Variants in COL14A1 observed in about 807,000 individuals in gnomAD.
COL14A1 encodes the protein collagen alpha-1(XIV) chain.
Under a neutral mutation model 230.3 loss-of-function variants are expected in COL14A1, and 136 were observed. The observed-to-expected ratio is 0.59, with a 90% CI of 0.51 to 0.68. The LOEUF is 0.68. COL14A1 is among the 30% of genes least tolerant of loss of function. COL14A1 has a pLI of 0.00. For synonymous variants in COL14A1, 792 were observed against 784.1 expected (o/e 1.01, Z -0.17); for missense variants, 1,976 against 2,215.8 (o/e 0.89, Z 2.17).
chr8:120,303,681 A>G (rs992774126), intron 36 of COL14A1, among the ~76,000 whole-genome samples: 2 of 152,190 alleles, frequency 1.3e-5, no homozygotes, highest in African/African-American at 2.4e-5. Context: ...CATCAAGGAT[A>G]TTAGCTGGAA....
At chr8:120,138,421 T>C (rs1814780540) in intron 1 of COL14A1, among the ~76,000 whole-genome samples, 1 of 152,190 alleles carries the variant, frequency 6.6e-6, no homozygotes, top group Non-Finnish European at 1.5e-5. Flanking sequence ...CATTCTGACA[T>C]TTCCCTTCTC....
At chr8:120,348,319 A>ATATATG (rs1394910849) in intron 45 of COL14A1, among the ~76,000 whole-genome samples, 2 of 149,444 alleles carry the variant, frequency 1.3e-5, no homozygotes. Context: ...ATATATATAT[A>ATATATG]TATATGTATA....
intron 26 of COL14A1, among the ~76,000 whole-genome samples, chr8:120,271,593 G>A (rs4279641): frequency 0.64 from 96,453 of 151,338 alleles, 31,356 homozygotes; most frequent in African/African-American, 0.77. Flanking sequence ...TGTGAATGAT[G>A]CAGACTTAAA....
intron 21 of COL14A1, among the ~76,000 whole-genome samples, chr8:120,249,742 A>G (rs1269240325): frequency 6.6e-6 from 1 of 152,204 alleles, no homozygotes; most frequent in Admixed American, 6.5e-5. Flanking sequence ...CAAAATACCA[A>G]TAGTAGTGAG....
At chr8:120,188,345 G>A (rs1816709694) in intron 5 of COL14A1, among the ~76,000 whole-genome samples, 1 of 152,148 alleles carries the variant, frequency 6.6e-6, no homozygotes, top group South Asian at 2.1e-4. Context: ...GCCTCCCAAA[G>A]TGCTGGGATT....
At chr8:120,219,285 G>A (rs1817856804) in intron 14 of COL14A1, among the ~76,000 whole-genome samples, 1 of 152,008 alleles carries the variant, frequency 6.6e-6, no homozygotes, top group South Asian at 2.1e-4. Context: ...GCTAATTTTT[G>A]TACAGACGAG....
chr8:120,204,969 G>C (rs1817382542), intron 9 of COL14A1, among the ~76,000 whole-genome samples: 1 of 152,042 alleles, frequency 6.6e-6, no homozygotes, highest in South Asian at 2.1e-4. Flanking sequence ...TTCTCTACTT[G>C]ACCTCTCACA....
At chr8:120,319,630 AAAT>A (rs1411097215) in intron 40 of COL14A1, among the ~76,000 whole-genome samples, 1 of 152,234 alleles carries the variant, frequency 6.6e-6, no homozygotes, top group Non-Finnish European at 1.5e-5. Flanking sequence ...AGATCTTAAC[AAAT>A]AATAAAAAGG....
intron 5 of COL14A1, among the ~76,000 whole-genome samples, chr8:120,194,403 C>A (rs189594532): frequency 2.6e-4 from 39 of 152,232 alleles, no homozygotes; most frequent in African/African-American, 8.4e-4. Context: ...CAAGCCCCCC[C>A]TTACCCCCAA....
In COL14A1 at chr8:120,244,068, C is replaced by G. The variant is rs1283619659; in HGVS notation, c.2479+60C>G. The G allele has an allele frequency of 1.9e-6, 3 of 1,566,432 alleles. No homozygotes were observed. In the African/African-American group the frequency reaches 4.1e-5, roughly 22 times the overall value. On this transcript the variant is annotated intron_variant, in intron 20 of 47. Transcript: ENST00000297848. The stretch of plus-strand genomic sequence containing the variant: ...ACTCATTAAATGGAAATGCTTGTCC[C>G]CTGTAATGCACCCTGAAAGATACAG...
At chr8:120,370,627 G>T in intron 47 of COL14A1, 1 of 1,457,562 alleles carries the variant, frequency 6.9e-7, no homozygotes, top group South Asian at 1.4e-5. Flanking sequence ...TGTCAGCCTG[G>T]ATAGAGGTAT....
chr8:120,145,858 A>G (rs948238194), intron 1 of COL14A1, among the ~76,000 whole-genome samples: 15 of 152,198 alleles, frequency 9.9e-5, no homozygotes, highest in African/African-American at 1.2e-4. Context: ...ATACACTTGA[A>G]CAAGAAAATA....
chr8:120,156,729 T>C (rs1273582331), intron 2 of COL14A1, among the ~76,000 whole-genome samples: 1 of 152,214 alleles, frequency 6.6e-6, no homozygotes, highest in Non-Finnish European at 1.5e-5. Flanking sequence ...ATATCCATTA[T>C]CCTATTTAAA....
chr8:120,365,937 T>C (rs1463771910), intron 45 of COL14A1, among the ~76,000 whole-genome samples: 5 of 152,208 alleles, frequency 3.3e-5, no homozygotes, highest in Non-Finnish European at 7.3e-5. Flanking sequence ...ATGTCTTGAC[T>C]GCAAGAGATC....
chr8:120,291,695 C>T (rs1313935643), intron 34 of COL14A1, among the ~76,000 whole-genome samples: 1 of 151,576 alleles, frequency 6.6e-6, no homozygotes, highest in Non-Finnish European at 1.5e-5. Context: ...ATATAAAATT[C>T]CTGAAAGTTA....
intron 2 of COL14A1, among the ~76,000 whole-genome samples, chr8:120,155,532 T>C (rs1458598045): frequency 1.3e-5 from 2 of 152,168 alleles, no homozygotes; most frequent in African/African-American, 4.8e-5. Context: ...TTGTTTGCTG[T>C]TTTGAGATGT....
chr8:120,279,808 T>C, intron 28 of COL14A1, 127 bp from the exon 29 acceptor site: 1 of 907,602 alleles, frequency 1.1e-6, no homozygotes. Context: ...CTGTAAAGAA[T>C]GAATTATCCA....
chr8:120,192,674 C>T (rs540086387), intron 5 of COL14A1, among the ~76,000 whole-genome samples: 3 of 152,196 alleles, frequency 2.0e-5, no homozygotes, highest in African/African-American at 7.2e-5. Flanking sequence ...CCGTCACTTT[C>T]AGGTAAACCA....
intron 37 of COL14A1, among the ~76,000 whole-genome samples, chr8:120,312,629 T>A (rs964752425): frequency 3.3e-5 from 5 of 152,178 alleles, no homozygotes; most frequent in African/African-American, 9.7e-5. Flanking sequence ...ACATTCTCCT[T>A]AATAACCTCA....
Sources: allele counts gnomAD v4.1 joint callset (sites outside exome capture counted in the v4.1 genomes callset), GRCh38; gene constraint gnomAD v4.1.1; transcripts MANE v1.5; gene names NCBI Gene and HGNC (gene_info 2026-07-23, HGNC 2026-07-21).